The following TFEC variants were observed in gnomAD, a reference collection of about 807,000 sequenced individuals.
The protein encoded by TFEC is transcription factor EC.
Under a neutral mutation model 41.6 loss-of-function variants are expected in TFEC, and 31 were observed. The observed-to-expected ratio is 0.74, with a 90% CI of 0.56 to 1.01. The LOEUF (loss-of-function observed/expected upper bound fraction) is 1.01, where lower values mean the gene tolerates loss of function less well. TFEC is among the 50% of genes least tolerant of loss of function. TFEC has a pLI of 0.00. For synonymous variants in TFEC, 143 were observed against 140.6 expected (o/e 1.02, Z -0.12); for missense variants, 402 against 404.1 (o/e 0.99, Z 0.04).
intron 1 of TFEC, among the ~76,000 whole-genome samples, chr7:116,145,744 GAATTCTTCA>G (rs1224851525): frequency 1.3e-5 from 2 of 152,238 alleles, no homozygotes; most frequent in East Asian, 3.9e-4. Flanking sequence ...AAATGGACTT[GAATTCTTCA>G]CTTACTGACT....
intron 1 of TFEC, among the ~76,000 whole-genome samples, chr7:116,146,800 T>A (rs1370350928): frequency 6.6e-6 from 1 of 152,134 alleles, no homozygotes; most frequent in African/African-American, 2.4e-5. Context: ...GCTTTTATAA[T>A]AATCAGAAGA....
At chr7:115,941,865 T>C (rs1315144917) in intron 7 of TFEC, 28 bp downstream of exon 7, 1 of 1,611,736 alleles carries the variant, frequency 6.2e-7, no homozygotes, top group Non-Finnish European at 8.5e-7. Context: ...GTAAGCTATG[T>C]GACTCATGGC....
intron 1 of TFEC, among the ~76,000 whole-genome samples, chr7:116,143,162 T>C (rs548148659): frequency 5.9e-5 from 9 of 152,266 alleles, no homozygotes; most frequent in Admixed American, 2.0e-4. Context: ...ACTGGGACAA[T>C]TGCCTTGAAC....
rs1796874222 is a variant in TFEC, at chr7:116,073,286, C to A, written c.198+37422G>T. On this transcript the variant is annotated intron_variant, in intron 3 of 8. Coordinates refer to the TFEC transcript ENST00000484212. ...GGAAATAAATTTAGCAAAAGAAATG[C>A]AAGTTTGTATTCTAAAACTCCAAAA... Among the ~76,000 whole-genome samples the A allele has an allele frequency of 2.0e-5, 3 of 151,516 alleles. No homozygotes were observed. In the South Asian group the frequency reaches 6.2e-4, roughly 31 times the overall value.
intron 1 of TFEC, among the ~76,000 whole-genome samples, chr7:116,155,545 A>G (rs972079091): frequency 6.6e-6 from 1 of 152,204 alleles, no homozygotes. Flanking sequence ...GCTTTCTACC[A>G]ACTCTGATGT....
chr7:115,944,809 G>A (rs1366355612), intron 6 of TFEC, among the ~76,000 whole-genome samples: 4 of 150,948 alleles, frequency 2.6e-5, no homozygotes, highest in African/African-American at 4.9e-5. Flanking sequence ...TAAGAAATAC[G>A]CTTTATATAG....
chr7:116,123,407 A>G (rs1798147962), intron 1 of TFEC, among the ~76,000 whole-genome samples: 1 of 152,046 alleles, frequency 6.6e-6, no homozygotes, highest in South Asian at 2.1e-4. Flanking sequence ...TAATCTTTGC[A>G]ATTAGCTACT....
chr7:116,155,326 G>C (rs572682695), intron 1 of TFEC, among the ~76,000 whole-genome samples: 2 of 152,200 alleles, frequency 1.3e-5, no homozygotes, highest in African/African-American at 4.8e-5. Flanking sequence ...ACAGCCACAT[G>C]ATCAAACATC....
chr7:116,155,352 A>G (rs763609576), intron 1 of TFEC, among the ~76,000 whole-genome samples: 4 of 152,240 alleles, frequency 2.6e-5, no homozygotes, highest in Non-Finnish European at 5.9e-5. Context: ...TATTTAAGAT[A>G]TCGAAGGACT....
chr7:116,066,483 TTATA>T (rs534137119), intron 3 of TFEC, among the ~76,000 whole-genome samples: 12 of 148,762 alleles, frequency 8.1e-5, no homozygotes, highest in African/African-American at 2.7e-4. Flanking sequence ...CTATCAGGGG[TTATA>T]TATATATATA....
chr7:116,074,839 C>T (rs533114326), intron 3 of TFEC, among the ~76,000 whole-genome samples: 1 of 152,212 alleles, frequency 6.6e-6, no homozygotes, highest in South Asian at 2.1e-4. Flanking sequence ...CAGCGTTATT[C>T]ACAATAGCAA....
intron 3 of TFEC, among the ~76,000 whole-genome samples, chr7:116,068,090 T>C (rs1049603573): frequency 5.9e-5 from 9 of 151,908 alleles, no homozygotes; most frequent in African/African-American, 2.2e-4. Context: ...AAAGGAATAC[T>C]TACTATATTT....
intron 3 of TFEC, among the ~76,000 whole-genome samples, chr7:116,078,299 C>T (rs1315413186): frequency 2.8e-5 from 4 of 141,246 alleles, no homozygotes; most frequent in Admixed American, 7.3e-5. Context: ...AAGAACAAAC[C>T]AAACCCCAAA....
intron 6 of TFEC, among the ~76,000 whole-genome samples, chr7:115,946,728 G>A (rs1791594145): frequency 9.0e-6 from 1 of 110,736 alleles, no homozygotes; most frequent in African/African-American, 3.5e-5. Context: ...CTTTTTTTTA[G>A]AGGTCGGATC....
intron 3 of TFEC, among the ~76,000 whole-genome samples, chr7:116,046,168 A>G (rs1043793033): frequency 1.3e-5 from 2 of 152,024 alleles, no homozygotes; most frequent in Non-Finnish European, 2.9e-5. Context: ...ATAAGGTAAG[A>G]GTTTGGGGGA....
chr7:115,994,214 A>G (rs1794255675), intron 1 of TFEC, among the ~76,000 whole-genome samples: 1 of 152,200 alleles, frequency 6.6e-6, no homozygotes, highest in Non-Finnish European at 1.5e-5. Flanking sequence ...TTCAAGATGG[A>G]TTAAAGACTT....
At chr7:116,057,375 AAAGAC>A (rs1387123802) in intron 3 of TFEC, among the ~76,000 whole-genome samples, 1 of 152,032 alleles carries the variant, frequency 6.6e-6, no homozygotes, top group African/African-American at 2.4e-5. Context: ...ACAGAAAAAC[AAAGAC>A]AAGAATGACA....
rs553918577 is a variant in TFEC at position 115,936,893 on chromosome 7, A to T, written c.*3658T>A. On this transcript the variant is annotated 3_prime_UTR_variant, in exon 8 of 8. Coordinates refer to ENST00000265440, the MANE Select transcript of TFEC (RefSeq NM_012252.4). ...GCTATTTATTATTTAGGGCTTTTTT[A>T]AAAACCTATATAAAGAAAGCCATGG... is the stretch of plus-strand genomic sequence containing the variant. 4 of 151,630 alleles carry T rather than the reference A, an allele frequency of 2.6e-5. No homozygotes were observed. The highest frequency in any genetic ancestry group is 2.6e-4 in the Admixed American group (4 of 15,202). The allele number at this position is 151,630 out of a possible 1,614,324, so 9.4% of individuals were successfully genotyped here. A position where few individuals can be genotyped will look rare whatever the true frequency, so the allele number is the denominator to read the frequency against.
chr7:116,082,863 G>C (rs190035263), intron 3 of TFEC, among the ~76,000 whole-genome samples: 1 of 151,802 alleles, frequency 6.6e-6, no homozygotes, highest in African/African-American at 2.4e-5. Flanking sequence ...CATTTTAATA[G>C]ATGTTTTATT....
Sources: gnomAD v4.1 joint callset for allele counts (sites outside exome capture counted in the v4.1 genomes callset) on GRCh38, gnomAD v4.1.1 for gene constraint, MANE v1.5 for transcripts, NCBI Gene and HGNC (gene_info 2026-07-23, HGNC 2026-07-21) for gene names.